Variants in PDE4B observed in about 807,000 individuals in gnomAD.
PDE4B encodes 3',5'-cyclic-AMP phosphodiesterase 4B.
A neutral mutation model predicts 82.2 loss-of-function variants in PDE4B; 20 were observed. That is an observed-to-expected ratio of 0.24 (90% confidence interval 0.17 to 0.35). The LOEUF is 0.35. PDE4B is among the 10% of genes least tolerant of loss of function. The probability of loss-of-function intolerance (pLI) is 1.00; values close to 1 mark genes in which losing one functional copy is unlikely to be tolerated. For missense variants in PDE4B, 655 were observed against 907.2 expected (o/e 0.72, Z 3.57); for synonymous variants, 320 against 318.9 (o/e 1.00, Z -0.04).
chr1:66,194,577 G>A (rs748403394), intron 3 of PDE4B, among the ~76,000 whole-genome samples: 35 of 148,396 alleles, frequency 2.4e-4, no homozygotes, highest in Non-Finnish European at 3.7e-4. Flanking sequence ...TCTACTCCAT[G>A]CTGAGCAGAA....
chr1:66,133,693 C>G (rs1157342221), intron 3 of PDE4B, among the ~76,000 whole-genome samples: 1 of 152,184 alleles, frequency 6.6e-6, no homozygotes, highest in African/African-American at 2.4e-5. Context: ...GCCCAGGAAT[C>G]TTAAGCAAGT....
At chr1:65,900,543 G>A (rs943828797) in intron 1 of PDE4B, among the ~76,000 whole-genome samples, 8 of 151,860 alleles carry the variant, frequency 5.3e-5, no homozygotes, top group African/African-American at 1.9e-4. Flanking sequence ...GATTGCTTTG[G>A]GCATTATGGG....
At chr1:65,934,616 G>C (rs569069364) in intron 3 of PDE4B, among the ~76,000 whole-genome samples, 27 of 152,274 alleles carry the variant, frequency 1.8e-4, no homozygotes, top group Non-Finnish European at 3.5e-4. Context: ...AAAAATCAGA[G>C]TAAACTATGT....
chr1:66,281,372 G>A (rs1027610388), intron 7 of PDE4B, among the ~76,000 whole-genome samples: 2 of 152,220 alleles, frequency 1.3e-5, no homozygotes, highest in African/African-American at 4.8e-5. Flanking sequence ...GTAACAGTGA[G>A]TGGGAATTAT....
At chr1:66,134,043 GAAA>G (rs3036787) in intron 3 of PDE4B, among the ~76,000 whole-genome samples, 141 of 148,474 alleles carry the variant, frequency 9.5e-4, no homozygotes, top group East Asian at 2.2e-3. Flanking sequence ...CACAAAACTG[GAAA>G]AAAAAAAAAA....
chr1:65,876,196 T>G (rs951115985), intron 1 of PDE4B, among the ~76,000 whole-genome samples: 1 of 152,104 alleles, frequency 6.6e-6, no homozygotes, highest in African/African-American at 2.4e-5. Context: ...AATCAAATTA[T>G]TTTATATTTT....
intron 1 of PDE4B, among the ~76,000 whole-genome samples, chr1:65,894,221 A>G (rs1646884341): frequency 1.3e-5 from 2 of 152,188 alleles, no homozygotes; most frequent in South Asian, 4.1e-4. Flanking sequence ...TGGCATAAGG[A>G]TAGACACTAA....
chr1:66,217,372 C>T (rs1650548724), intron 3 of PDE4B, among the ~76,000 whole-genome samples: 1 of 152,022 alleles, frequency 6.6e-6, no homozygotes, highest in Non-Finnish European at 1.5e-5. Context: ...TACTGCTAGG[C>T]CTGAAGAAGC....
intron 3 of PDE4B, among the ~76,000 whole-genome samples, chr1:66,241,510 T>C (rs1166994259): frequency 2.0e-5 from 3 of 152,200 alleles, no homozygotes; most frequent in Admixed American, 1.3e-4. Flanking sequence ...TCTTTTTCTT[T>C]TTTTTTCTTT....
chr1:65,881,889 A>G (rs1646712584), intron 1 of PDE4B, among the ~76,000 whole-genome samples: 1 of 148,536 alleles, frequency 6.7e-6, no homozygotes, highest in Non-Finnish European at 1.5e-5. Context: ...AACCAAAATA[A>G]CTCTTGAGAA....
At chr1:65,942,781 G>A (rs921312404) in intron 3 of PDE4B, among the ~76,000 whole-genome samples, 1 of 152,032 alleles carries the variant, frequency 6.6e-6, no homozygotes, top group African/African-American at 2.4e-5. Context: ...GATTAGTGAT[G>A]TTGAACGTTT....
intron 1 of PDE4B, among the ~76,000 whole-genome samples, chr1:65,877,635 A>ATAAC (rs1646661688): frequency 6.6e-6 from 1 of 151,048 alleles, no homozygotes. Context: ...AAATAAATAA[A>ATAAC]TAAATAAATA....
chr1:66,267,900 C>T (rs1282557250), intron 7 of PDE4B, among the ~76,000 whole-genome samples: 1 of 152,106 alleles, frequency 6.6e-6, no homozygotes, highest in Non-Finnish European at 1.5e-5. Context: ...TAATATTTAT[C>T]AGCATATGAC....
intron 7 of PDE4B, among the ~76,000 whole-genome samples, chr1:66,302,398 G>T (rs1409769414): frequency 6.6e-6 from 1 of 152,140 alleles, no homozygotes; most frequent in African/African-American, 2.4e-5. Flanking sequence ...CTGGTCTTTT[G>T]GCTTTGATCA....
intron 1 of PDE4B, among the ~76,000 whole-genome samples, chr1:65,853,777 C>G (rs1004252824): frequency 6.6e-6 from 1 of 152,144 alleles, no homozygotes; most frequent in Non-Finnish European, 1.5e-5. Context: ...ATCCGCCCAC[C>G]TCAGCCTCCC....
At chr1:66,103,218 G>T (rs1315981663) in intron 3 of PDE4B, among the ~76,000 whole-genome samples, 2 of 152,142 alleles carry the variant, frequency 1.3e-5, no homozygotes, top group African/African-American at 4.8e-5. Flanking sequence ...GTTGAGCATT[G>T]TGGGGTAAGA....
At chr1:66,043,970 A>G (rs1355005111) in intron 3 of PDE4B, among the ~76,000 whole-genome samples, 1 of 151,814 alleles carries the variant, frequency 6.6e-6, no homozygotes, top group Non-Finnish European at 1.5e-5. Flanking sequence ...CAAAAAATTT[A>G]TGTCTCACTT....
At chr1:66,275,406 G>C (rs1377014866) in intron 7 of PDE4B, among the ~76,000 whole-genome samples, 1 of 152,176 alleles carries the variant, frequency 6.6e-6, no homozygotes, top group Non-Finnish European at 1.5e-5. Context: ...AGAGTCTGCA[G>C]GAAGGGAAGA....
intron 1 of PDE4B, among the ~76,000 whole-genome samples, chr1:65,888,263 C>T (rs891611182): frequency 2.6e-5 from 4 of 151,982 alleles, no homozygotes; most frequent in East Asian, 1.9e-4. Flanking sequence ...GTTGAAAATA[C>T]GTGAATTTAT....
Sources: gnomAD v4.1 joint callset for allele counts (sites outside exome capture counted in the v4.1 genomes callset) on GRCh38, gnomAD v4.1.1 for gene constraint, MANE v1.5 for transcripts, NCBI Gene and HGNC (gene_info 2026-07-23, HGNC 2026-07-21) for gene names.